CYP4Z1: variants seen among roughly 807,000 people sequenced by gnomAD.
CYP4Z1 encodes cytochrome P450 4Z1.
A neutral mutation model predicts 54.2 loss-of-function variants in CYP4Z1; 41 were observed. The observed-to-expected ratio is 0.76, with a 90% CI of 0.59 to 0.98. The LOEUF (loss-of-function observed/expected upper bound fraction) is 0.98, where lower values mean the gene tolerates loss of function less well. Ranked by LOEUF, CYP4Z1 falls within the 50% of genes least tolerant of loss-of-function variation. CYP4Z1 has a pLI of 0.00. For synonymous variants in CYP4Z1, 163 were observed against 206.2 expected (o/e 0.79, Z 1.79); for missense variants, 513 against 599.0 (o/e 0.86, Z 1.50).
the CYP4Z1 span, among the ~76,000 whole-genome samples, chr1:47,057,335 A>AAAAAAAAAAT: frequency 4.5e-3 from 128 of 28,434 alleles, 1 homozygote; most frequent in Non-Finnish European, 8.5e-3. Flanking sequence ...AAGAAAAAAA[A>AAAAAAAAAAT]ATATATATAT....
intron 2 of CYP4Z1, among the ~76,000 whole-genome samples, chr1:47,070,274 A>G (rs1312119442): frequency 8.8e-6 from 1 of 113,100 alleles, no homozygotes; most frequent in African/African-American, 3.7e-5. Context: ...TCTTTTAATT[A>G]CATTCATTTT....
chr1:47,109,215 A>AAG (rs1159127922), intron 9 of CYP4Z1, among the ~76,000 whole-genome samples: 1 of 152,202 alleles, frequency 6.6e-6, no homozygotes, highest in Non-Finnish European at 1.5e-5. Flanking sequence ...AACAAACAAA[A>AAG]AGAGAGAGAG....
At chr1:47,055,943 G>A in the CYP4Z1 span, among the ~76,000 whole-genome samples, 63,845 of 151,796 alleles carry the variant, frequency 0.42, 14,794 homozygotes, top group East Asian at 0.97. Flanking sequence ...GATCTTAGTT[G>A]TTTCTTGCCT....
intron 8 of CYP4Z1, 123 bp downstream of exon 8, chr1:47,099,407 T>C (rs1460167147): frequency 3.2e-6 from 3 of 929,760 alleles, no homozygotes; most frequent in Admixed American, 3.1e-5. Flanking sequence ...AAGGTAAGGG[T>C]GTAGGCTAGA....
intron 2 of CYP4Z1, among the ~76,000 whole-genome samples, chr1:47,079,728 G>C (rs1389218559): frequency 6.6e-6 from 1 of 152,222 alleles, no homozygotes; most frequent in African/African-American, 2.4e-5. Flanking sequence ...GTGCCTTTAA[G>C]TGGATAGAGG....
Position 47,082,340 on chromosome 1 carries a change from G to T in CYP4Z1, c.371G>T (p.Gly124Val). The T allele has an allele frequency of 6.2e-7, 1 of 1,604,362 alleles. No homozygotes were observed. ...GCCCCTCTCATTTCATAAGGTCGAG[G>T]ACTTGTGACCCTGGATGGTTCTAAA... The part of the protein sequence containing the change: ...HKILESWVGR[G>V]LVTLDGSKWK... Residue 124 changes from glycine to valine, a missense_variant, in exon 4 of 12, where the codon GGA becomes GTA. Transcript: ENST00000334194.
intron 6 of CYP4Z1, among the ~76,000 whole-genome samples, chr1:47,091,315 T>G (rs1330660846): frequency 7.0e-6 from 1 of 143,276 alleles, no homozygotes; most frequent in Non-Finnish European, 1.5e-5. Context: ...CCTGATCAGC[T>G]AACCTATTTT....
At chr1:47,085,675 C>A (rs975878912) in intron 6 of CYP4Z1, among the ~76,000 whole-genome samples, 43 of 151,494 alleles carry the variant, frequency 2.8e-4, no homozygotes, top group South Asian at 6.3e-4. Flanking sequence ...CGGTTTATGT[C>A]TTTTTTTCTT....
chr1:47,073,636 C>A (rs149511520), intron 2 of CYP4Z1, among the ~76,000 whole-genome samples: 137,824 of 151,904 alleles, frequency 0.91, 62,328 homozygotes, highest in Non-Finnish European at 0.99. Flanking sequence ...GCCAACGCAC[C>A]AGGCCAAGAC....
At chr1:47,114,124 C>T (rs1163466597) in intron 9 of CYP4Z1, among the ~76,000 whole-genome samples, 1 of 152,090 alleles carries the variant, frequency 6.6e-6, no homozygotes, top group Admixed American at 6.5e-5. Context: ...CAGAACAGAG[C>T]CCTCAGAAAT....
At chr1:47,107,140 G>A (rs1412325613) in intron 9 of CYP4Z1, among the ~76,000 whole-genome samples, 7 of 152,246 alleles carry the variant, frequency 4.6e-5, no homozygotes, top group Non-Finnish European at 7.4e-5. Flanking sequence ...ACTTACTAGG[G>A]ACTAAGCATT....
chr1:47,069,876 A>T, intron 2 of CYP4Z1, among the ~76,000 whole-genome samples: 1 of 126,510 alleles, frequency 7.9e-6, no homozygotes. Flanking sequence ...TTTTTCTCTT[A>T]CTGTTTTGTT....
intron 9 of CYP4Z1, among the ~76,000 whole-genome samples, chr1:47,106,641 C>T (rs1644759687): frequency 6.6e-6 from 1 of 152,144 alleles, no homozygotes; most frequent in Non-Finnish European, 1.5e-5. Flanking sequence ...CCCTCACGCA[C>T]ACCGGCAGGG....
intron 9 of CYP4Z1, among the ~76,000 whole-genome samples, chr1:47,106,885 G>A (rs2148540158): frequency 6.6e-6 from 1 of 152,338 alleles, no homozygotes; most frequent in East Asian, 1.9e-4. Context: ...AAGATGGATT[G>A]AAAGGCAACA....
In CYP4Z1 at chr1:47,099,239, G is replaced by A. The variant is rs756404977; in HGVS notation, c.1022G>A (p.Arg341Gln). ...TACCCTGAGCATCAGCAGAGATGCC[G>A]AGATGAAATCAGGGAACTCCTAGGG... Reference protein sequence around the residue: ...AKYPEHQQRCRDEIRELLGDG... With the variant: ...AKYPEHQQRCQDEIRELLGDG... The change falls in exon 8 of 12, where the codon CGA becomes CAA. Residue 341 changes from arginine to glutamine, a missense_variant. Transcript: ENST00000334194. 23 of 1,613,424 alleles carry A rather than the reference G, an allele frequency of 1.4e-5. No homozygotes were observed. Among genetic ancestry groups the A allele is most frequent in the African/African-American group, 5.3e-5 (4 of 74,858 alleles).
intron 9 of CYP4Z1, among the ~76,000 whole-genome samples, chr1:47,113,664 G>C (rs6668901): frequency 0.072 from 10,931 of 152,250 alleles, 531 homozygotes; most frequent in East Asian, 0.26. Flanking sequence ...GGCAAACAGA[G>C]AGCCAAATCA....
At chr1:47,073,589 G>A (rs1388783497) in intron 2 of CYP4Z1, among the ~76,000 whole-genome samples, 2 of 152,052 alleles carry the variant, frequency 1.3e-5, no homozygotes, top group East Asian at 1.9e-4. Flanking sequence ...TAATCCACCC[G>A]CCTCAGCCTC....
chr1:47,100,264 G>A (rs1445579029), intron 8 of CYP4Z1, among the ~76,000 whole-genome samples: 1 of 152,122 alleles, frequency 6.6e-6, no homozygotes, highest in African/African-American at 2.4e-5. Context: ...TAGTGTTGAT[G>A]AACATTTAGG....
chr1:47,059,599 A>G, the CYP4Z1 span, among the ~76,000 whole-genome samples: 3 of 152,074 alleles, frequency 2.0e-5, no homozygotes, highest in Non-Finnish European at 4.4e-5. Context: ...CGTAAATATC[A>G]TGTCTGGTTT....
Sources: allele counts gnomAD v4.1 joint callset (sites outside exome capture counted in the v4.1 genomes callset), GRCh38; gene constraint gnomAD v4.1.1; transcripts MANE v1.5; gene names NCBI Gene and HGNC (gene_info 2026-07-23, HGNC 2026-07-21).